The following SCN8A variants were observed in gnomAD, a reference collection of about 807,000 sequenced individuals.
SCN8A encodes the protein sodium voltage-gated channel alpha subunit 8, also known as sodium channel protein type 8 subunit alpha.
Under a neutral mutation model 184.1 loss-of-function variants are expected in SCN8A, and 30 were observed. The observed-to-expected ratio is 0.16, with a 90% CI of 0.12 to 0.22. The LOEUF (loss-of-function observed/expected upper bound fraction) is 0.22. SCN8A is among the 10% of genes least tolerant of loss of function. The pLI, the probability that SCN8A is intolerant of heterozygous loss-of-function variation, is 1.00. For missense variants in SCN8A, 1,057 were observed against 2,498.9 expected, an observed-to-expected ratio of 0.42 and a Z score of 12.30; for synonymous variants, 852 against 907.0, an observed-to-expected ratio of 0.94 and a Z score of 1.09.
At chr12:51,646,009 TAAAAAA>T (rs11307011) in intron 1 of SCN8A, among the ~76,000 whole-genome samples, 1 of 123,422 alleles carries the variant, frequency 8.1e-6, no homozygotes, top group Non-Finnish European at 1.7e-5. Context: ...AAGATAAAAG[TAAAAAA>T]AAAAAAAAAA....
intron 1 of SCN8A, among the ~76,000 whole-genome samples, chr12:51,624,985 T>C (rs1021777083): frequency 2.0e-5 from 3 of 152,174 alleles, no homozygotes; most frequent in African/African-American, 7.2e-5. Context: ...TATGTTAGGT[T>C]CATTTGTCAC....
Position 51,794,561 on chromosome 12 carries a change from A to G in SCN8A, c.4715A>G (p.Lys1572Arg), listed in dbSNP as rs756839708. The G allele has an allele frequency of 6.2e-7, 1 of 1,614,016 alleles. No individual in the cohort carries two copies. Among genetic ancestry groups the G allele is most frequent in the South Asian group, 1.1e-5 (1 of 91,076 alleles). ...TTCTTCACCTGTGAGTGTGTGCTCA[A>G]AATGTTTGCGTTGAGGCACTACTAC... ...VIFFTCECVL[K>R]MFALRHYYFT... The change falls in exon 26 of 27, where the codon AAA becomes AGA. Residue 1572 changes from lysine to arginine, a missense_variant. Physicochemically the swap from Lys to Arg is conservative, Grantham distance 26. This residue lies in a region of SCN8A where 34 missense variants were observed against 64.0 expected (regional missense o/e 0.53). Coordinates refer to ENST00000627620, the MANE Select transcript of SCN8A (RefSeq NM_001330260.2).
rs531177581 is a variant in SCN8A, at chr12:51,693,442, C to T, written c.706+4346C>T. Reference sequence around the variant, plus strand: ...AAATAAATCTAGAGTCCCCCAATCTCTTTCAAATTACTGTTGCTCTAAAGA... The same window carrying T: ...AAATAAATCTAGAGTCCCCCAATCTTTTTCAAATTACTGTTGCTCTAAAGA... On this transcript the variant is annotated intron_variant, in intron 6 of 26. Transcript: ENST00000627620. Among the ~76,000 whole-genome samples the T allele has an allele frequency of 4.6e-5, 7 of 152,290 alleles. No individual in the cohort carries two copies. In the East Asian group the frequency reaches 5.8e-4, roughly 13 times the overall value.
chr12:51,702,758 C>T lies in SCN8A; in HGVS notation c.993-15C>T, dbSNP rs772031108. Reference sequence around the variant, plus strand: ...ATTATGTTGAAAAGTCCTGAACTTCCCTTTCTTTCTTTAGGCAATGCCCAG... The same window carrying T: ...ATTATGTTGAAAAGTCCTGAACTTCTCTTTCTTTCTTTAGGCAATGCCCAG... On this transcript the variant is annotated splice_polypyrimidine_tract_variant and intron_variant, in intron 8 of 26. Transcript: ENST00000627620. The T allele has an allele frequency of 6.4e-7, 1 of 1,565,156 alleles. No individual in the cohort carries two copies. The highest frequency in any genetic ancestry group is 8.7e-7 in the Non-Finnish European group (1 of 1,154,130).
At chr12:51,686,545 G>GA (rs921986107) in intron 4 of SCN8A, 88 bp downstream of exon 4, 56 of 861,594 alleles carry the variant, frequency 6.5e-5, no homozygotes, top group East Asian at 1.1e-4. Context: ...CCATCAAGGA[G>GA]AAAAAAAATT....
chr12:51,635,886 A>G (rs74091861), intron 1 of SCN8A, among the ~76,000 whole-genome samples: 5,585 of 152,276 alleles, frequency 0.037, 315 homozygotes, highest in African/African-American at 0.12. Context: ...GAAAAATGCA[A>G]TGACTGTATA....
intron 11 of SCN8A, among the ~76,000 whole-genome samples, chr12:51,708,877 C>G (rs1309772616): frequency 2.0e-5 from 3 of 152,144 alleles, no homozygotes; most frequent in African/African-American, 7.2e-5. Context: ...AAGGATTGTA[C>G]TAGGTCCTAG....
At chr12:51,604,076 C>G (rs909404746) in intron 1 of SCN8A, among the ~76,000 whole-genome samples, 10 of 152,012 alleles carry the variant, frequency 6.6e-5, no homozygotes, top group African/African-American at 2.2e-4. Context: ...TTGATTTAGT[C>G]CAATTTGTCA....
chr12:51,670,268 A>G (rs1352386486), intron 2 of SCN8A, among the ~76,000 whole-genome samples: 1 of 152,224 alleles, frequency 6.6e-6, no homozygotes, highest in Admixed American at 6.5e-5. Flanking sequence ...CAATAGACCA[A>G]AAGTTGGGAA....
At chr12:51,751,330 C>A in intron 13 of SCN8A, 25 bp from the exon 14 acceptor site, 1 of 1,499,214 alleles carries the variant, frequency 6.7e-7, no homozygotes, top group Non-Finnish European at 9.2e-7. Context: ...GATTGAGGGG[C>A]CATCTTTGTT....
At chr12:51,727,955 A>C (rs1009452579) in intron 12 of SCN8A, among the ~76,000 whole-genome samples, 1 of 152,160 alleles carries the variant, frequency 6.6e-6, no homozygotes, top group Non-Finnish European at 1.5e-5. Context: ...TTCTCAAAAA[A>C]AAGAAGAAAA....
chr12:51,658,041 A>G (rs999895052), intron 1 of SCN8A, among the ~76,000 whole-genome samples: 1 of 152,044 alleles, frequency 6.6e-6, no homozygotes, highest in Non-Finnish European at 1.5e-5. Flanking sequence ...TTTGAAATCC[A>G]ATAGTGTGAT....
chr12:51,747,950 T>C (rs939006054), intron 13 of SCN8A, among the ~76,000 whole-genome samples: 3 of 152,202 alleles, frequency 2.0e-5, no homozygotes, highest in African/African-American at 7.2e-5. Context: ...TTCCAGTTTT[T>C]TGTCCTCTTT....
chr12:51,795,547 G>T (rs1194494204), intron 26 of SCN8A, among the ~76,000 whole-genome samples: 1 of 152,184 alleles, frequency 6.6e-6, no homozygotes, highest in Non-Finnish European at 1.5e-5. Context: ...CAGAAGGCAG[G>T]GGTCTCCCCT....
chr12:51,627,894 A>G (rs1330698251), intron 1 of SCN8A, among the ~76,000 whole-genome samples: 1 of 152,240 alleles, frequency 6.6e-6, no homozygotes, highest in Non-Finnish European at 1.5e-5. Context: ...CTAGAGTGCA[A>G]AGTACATTAT....
Position 51,788,824 on chromosome 12 carries a change from A to G in SCN8A, c.4281+76A>G, listed in dbSNP as rs566061067. 8 of 1,175,274 alleles carry G rather than the reference A, an allele frequency of 6.8e-6. No individual in the cohort carries two copies. In the Admixed American group the frequency reaches 1.4e-4, roughly 20 times the overall value. The allele number at this position is 1,175,274 out of a possible 1,614,324, so 72.8% of individuals were successfully genotyped here. On this transcript the variant is annotated intron_variant, in intron 23 of 26. Transcript: ENST00000627620. ...AGCAGCATGGTATACCGAGCCCACC[A>G]AGAAAGAGGAAGGGATGAAGGAATG...
rs185168681 is a variant in SCN8A at position 51,741,151 on chromosome 12, C to T, written c.1999-4752C>T. On this transcript the variant is annotated intron_variant, in intron 12 of 26. Transcript: ENST00000627620. Reference sequence around the variant, plus strand: ...TATTTGGGTGTTCCAGTGTTGGGTACATGTATATTTATAATTGCTATATCC... The same window carrying T: ...TATTTGGGTGTTCCAGTGTTGGGTATATGTATATTTATAATTGCTATATCC... 6.2e-3 allele frequency among the ~76,000 whole-genome samples: 951 copies of T among 152,272 alleles called. 10 individuals carry two copies. The highest frequency in any genetic ancestry group is 0.031 in the Middle Eastern group (9 of 294).
At position 51,807,383 on chromosome 12, in the gene SCN8A, G is replaced by C. The variant is rs754304142; in HGVS notation, c.5897G>C (p.Arg1966Thr). The C allele has an allele frequency of 6.2e-7, 1 of 1,613,188 alleles. No individual in the cohort carries two copies. The highest frequency in any genetic ancestry group is 8.5e-7 in the Non-Finnish European group (1 of 1,179,486). Residue 1966 changes from arginine (R) to threonine (T), a missense_variant, in exon 27 of 27, where the codon AGG becomes ACG. Transcript: ENST00000627620. This position sits in a 1 kb window ranked among gnomAD's most constrained non-coding sequence, Gnocchi z 4.5. ...CAGCAGCGGGCAGAGGAAGGAAGAA[G>C]GGAAAGAGCCAAAAGACAAAAAGAG... is the stretch of plus-strand genomic sequence containing the variant. ...EKQQRAEEGR[R>T]ERAKRQKEVR...
At chr12:51,697,544 C>T (rs1341656036) in intron 6 of SCN8A, among the ~76,000 whole-genome samples, 1 of 152,160 alleles carries the variant, frequency 6.6e-6, no homozygotes, top group Non-Finnish European at 1.5e-5. Context: ...CCATACCACC[C>T]ATTAGATCAC....
Sources: allele counts gnomAD v4.1 joint callset (sites outside exome capture counted in the v4.1 genomes callset), GRCh38; gene constraint gnomAD v4.1.1; regional missense constraint gnomAD v4.1.1; non-coding constraint Gnocchi (gnomAD v3.1); transcripts MANE v1.5; gene names NCBI Gene and HGNC (gene_info 2026-07-23, HGNC 2026-07-21).